The following MANBA variants were observed in gnomAD, a reference collection of about 807,000 sequenced individuals.
MANBA encodes beta-mannosidase.
In MANBA, 83 loss-of-function variants were observed where a neutral mutation model predicts 111.1. That is an observed-to-expected ratio of 0.75 (90% CI 0.63 to 0.90). MANBA has a LOEUF of 0.90. MANBA is among the 40% of genes least tolerant of loss of function. The pLI is 0.00. For missense variants in MANBA, 1,036 were observed against 1,069.0 expected (o/e 0.97, Z 0.43); for synonymous variants, 370 against 378.7 (o/e 0.98, Z 0.27).
At chr4:102,714,666 G>T in intron 4 of MANBA, 105 bp from the exon 5 acceptor site, 1 of 1,104,406 alleles carries the variant, frequency 9.1e-7, no homozygotes, top group Non-Finnish European at 1.3e-6. Context: ...ATATAAGTTT[G>T]CTATGGCAGC....
At chr4:102,657,532 G>C in intron 12 of MANBA, 150 bp downstream of exon 12, 1 of 704,340 alleles carries the variant, frequency 1.4e-6, no homozygotes, top group Non-Finnish European at 2.4e-6. Context: ...ATCCCCAAAG[G>C]TTTAAAAAAA....
At chr4:102,752,588 A>T in intron 1 of MANBA, 5 of 638,712 alleles carry the variant, frequency 7.8e-6, no homozygotes, top group South Asian at 6.8e-5. Flanking sequence ...ACAAGCAGAC[A>T]ATAAATTGTA....
chr4:102,710,282 T>C lies in MANBA; in HGVS notation c.673+4156A>G, dbSNP rs181690043. ...AAACTTGGAAGATTCATAAAAAAAT[T>C]CTTAGATCTGATAAATAAATTCAGC... On this transcript the variant is annotated intron_variant, in intron 5 of 16. Transcript: ENST00000647097. Among the ~76,000 whole-genome samples, 843 of 152,234 alleles carry C rather than the reference T, an allele frequency of 5.5e-3. 7 individuals carry two copies. Among genetic ancestry groups the C allele is most frequent in the African/African-American group, 0.02 (811 of 41,552 alleles).
chr4:102,696,201 G>C (rs959036821), intron 5 of MANBA, among the ~76,000 whole-genome samples: 5 of 152,154 alleles, frequency 3.3e-5, no homozygotes, highest in African/African-American at 1.2e-4. Flanking sequence ...ACTCCAGCCT[G>C]TGCAACAGCA....
intron 4 of MANBA, 25 bp downstream of exon 4, chr4:102,722,846 C>T: frequency 6.2e-7 from 1 of 1,611,004 alleles, no homozygotes; most frequent in Non-Finnish European, 8.5e-7. Context: ...AAAAATAAAA[C>T]CCGACCTGTT....
chr4:102,728,899 C>T (rs536456449), intron 1 of MANBA: 26 of 752,344 alleles, frequency 3.5e-5, no homozygotes, highest in African/African-American at 2.0e-4. Flanking sequence ...CCCCACAGGC[C>T]GAGCTCAGAT....
chr4:102,636,919 G>A (rs140731562), intron 14 of MANBA, among the ~76,000 whole-genome samples: 8 of 152,208 alleles, frequency 5.3e-5, no homozygotes, highest in African/African-American at 1.4e-4. Flanking sequence ...CCCATGTGTT[G>A]TAGGAGGGAC....
intron 5 of MANBA, among the ~76,000 whole-genome samples, chr4:102,703,142 TG>T (rs1465214844): frequency 2.0e-5 from 3 of 152,218 alleles, no homozygotes; most frequent in Non-Finnish European, 2.9e-5. Flanking sequence ...CTTGTTTGTT[TG>T]TTTTTGAGAC....
intron 4 of MANBA, among the ~76,000 whole-genome samples, chr4:102,716,296 T>A (rs1722328133): frequency 1.2e-5 from 1 of 86,866 alleles, no homozygotes; most frequent in African/African-American, 4.9e-5. Flanking sequence ...GCAACAAGAG[T>A]GAAACTCAGT....
chr4:102,710,897 A>G (rs1412138495), intron 5 of MANBA, among the ~76,000 whole-genome samples: 2 of 152,186 alleles, frequency 1.3e-5, no homozygotes, highest in Non-Finnish European at 2.9e-5. Context: ...TGGTGCGGGG[A>G]AAATTGGATA....
chr4:102,729,099 C>T lies in MANBA; in HGVS notation c.178-2416G>A, dbSNP rs114113374. ...ATGTCCTGCTTGGCCTGCTGCAGGG[C>T]GGCCTCCAGCTTGGACAGCTTGGCG... On this transcript the variant is annotated intron_variant, in intron 1 of 16. Coordinates refer to ENST00000647097, the MANE Select transcript of MANBA (RefSeq NM_005908.4). 2,551 of 746,048 alleles carry T rather than the reference C, an allele frequency of 3.4e-3. 44 individuals carry two copies. In the African/African-American group the frequency reaches 0.037, roughly 11 times the overall value. 46.2% of individuals were successfully genotyped at this position (746,048 alleles called of 1,614,324 possible).
At chr4:102,736,203 C>A (rs1207815906) in intron 1 of MANBA, among the ~76,000 whole-genome samples, 1 of 152,156 alleles carries the variant, frequency 6.6e-6, no homozygotes, top group South Asian at 2.1e-4. Flanking sequence ...TTAGTCATTA[C>A]CTAGTACTAC....
chr4:102,700,547 T>C (rs1732980187), intron 5 of MANBA, among the ~76,000 whole-genome samples: 1 of 152,146 alleles, frequency 6.6e-6, no homozygotes, highest in Non-Finnish European at 1.5e-5. Context: ...CCAGAGATTC[T>C]GGTATGTTGT....
intron 7 of MANBA, among the ~76,000 whole-genome samples, chr4:102,688,378 TCC>T (rs1233414671): frequency 1.1e-5 from 1 of 87,298 alleles, no homozygotes; most frequent in Non-Finnish European, 2.5e-5. Flanking sequence ...CTCTCTCCCC[TCC>T]CCCCTTACAC....
At chr4:102,706,862 G>A (rs1204046758) in intron 5 of MANBA, among the ~76,000 whole-genome samples, 2 of 152,042 alleles carry the variant, frequency 1.3e-5, no homozygotes, top group African/African-American at 4.8e-5. Flanking sequence ...ATTTTTGGAA[G>A]TAAACCAGTC....
chr4:102,734,624 G>C, intron 1 of MANBA: 5 of 1,576,054 alleles, frequency 3.2e-6, no homozygotes, highest in Non-Finnish European at 4.3e-6. Flanking sequence ...AGAAGAGGAG[G>C]CCCGAGGAGC....
At chr4:102,748,928 A>C (rs910043240) in intron 1 of MANBA, among the ~76,000 whole-genome samples, 1 of 151,894 alleles carries the variant, frequency 6.6e-6, no homozygotes, top group Admixed American at 6.6e-5. Context: ...AAAAAAAAAA[A>C]CCCATTTGCT....
At chr4:102,667,687 T>C (rs1214170956) in intron 10 of MANBA, 1 of 152,198 alleles carries the variant, frequency 6.6e-6, no homozygotes, top group African/African-American at 2.4e-5. Flanking sequence ...CTCCCTAAGG[T>C]TGCAGACTCA....
chr4:102,706,610 A>G (rs1160439388), intron 5 of MANBA, among the ~76,000 whole-genome samples: 1 of 152,228 alleles, frequency 6.6e-6, no homozygotes, highest in Non-Finnish European at 1.5e-5. Context: ...ACAGATTCCA[A>G]TAAAATGTAT....
Sources: gnomAD v4.1 joint callset for allele counts (sites outside exome capture counted in the v4.1 genomes callset) on GRCh38, gnomAD v4.1.1 for gene constraint, MANE v1.5 for transcripts, NCBI Gene and HGNC (gene_info 2026-07-23, HGNC 2026-07-21) for gene names.